Variants in CHN2 observed in about 807,000 individuals in gnomAD.
CHN2 encodes the protein beta-chimaerin.
CHN2 carries 35 observed loss-of-function variants against 56.3 expected under a neutral mutation model. That is an observed-to-expected ratio of 0.62 (90% confidence interval 0.47 to 0.82). The LOEUF (loss-of-function observed/expected upper bound fraction) is 0.82, where lower values mean the gene tolerates loss of function less well. Ranked by LOEUF, CHN2 falls within the 40% of genes least tolerant of loss-of-function variation. The pLI is 0.00. For missense variants in CHN2, 491 were observed against 580.5 expected (o/e 0.85, Z 1.58); for synonymous variants, 210 against 212.8 (o/e 0.99, Z 0.12).
chr7:29,505,145 C>T (rs75437465), intron 10 of CHN2, among the ~76,000 whole-genome samples: 1 of 152,272 alleles, frequency 6.6e-6, no homozygotes, highest in East Asian at 1.9e-4. Flanking sequence ...AGGGCACCCC[C>T]AGCACTAATG....
At chr7:29,344,271 C>T (rs1797259450) in intron 1 of CHN2, among the ~76,000 whole-genome samples, 1 of 152,204 alleles carries the variant, frequency 6.6e-6, no homozygotes, top group Non-Finnish European at 1.5e-5. Context: ...TCTTCTCATC[C>T]TCCAGTCCAC....
chr7:29,363,929 T>G (rs1798935488), intron 2 of CHN2, among the ~76,000 whole-genome samples: 1 of 152,078 alleles, frequency 6.6e-6, no homozygotes, highest in Admixed American at 6.5e-5. Context: ...CGCAGCTACT[T>G]GGGAGGTGGG....
intron 1 of CHN2, among the ~76,000 whole-genome samples, chr7:29,308,236 C>T (rs1386045789): frequency 1.3e-5 from 2 of 152,306 alleles, no homozygotes; most frequent in East Asian, 3.9e-4. Context: ...CTTTCCATTC[C>T]TCAGACTTCC....
intron 1 of CHN2, among the ~76,000 whole-genome samples, chr7:29,321,191 T>A (rs1795314245): frequency 1.3e-5 from 2 of 152,220 alleles, no homozygotes. Context: ...TTATACATGC[T>A]TTTCTAATAT....
chr7:29,220,678 A>T (rs1785724260), intron 1 of CHN2, among the ~76,000 whole-genome samples: 1 of 152,220 alleles, frequency 6.6e-6, no homozygotes, highest in Non-Finnish European at 1.5e-5. Context: ...CCCTAAATTT[A>T]ATTTCAGACC....
intron 6 of CHN2, among the ~76,000 whole-genome samples, chr7:29,458,396 C>CACAT (rs1784920903): frequency 1.3e-5 from 2 of 151,738 alleles, no homozygotes; most frequent in Non-Finnish European, 2.9e-5. Flanking sequence ...CACACACACA[C>CACAT]ACACACACAC....
rs538009082 is a variant in CHN2, at chr7:29,314,620, A to T, written c.50-40005A>T. On this transcript the variant is annotated intron_variant, in intron 1 of 12. Coordinates refer to ENST00000222792, the MANE Select transcript of CHN2 (RefSeq NM_004067.4). The stretch of plus-strand genomic sequence containing the variant: ...GAAAGTAACATCACCACCAACAAAA[A>T]TATTCAAAGAAGGTATTAATTCACT... Among the ~76,000 whole-genome samples, 8 of 152,314 alleles carry T rather than the reference A, an allele frequency of 5.3e-5. No homozygotes were observed. In the East Asian group the frequency reaches 1.5e-3, roughly 29 times the overall value.
At chr7:29,177,057 T>C (rs538245051) in intron 2 of CHN2, among the ~76,000 whole-genome samples, 1 of 152,138 alleles carries the variant, frequency 6.6e-6, no homozygotes, top group East Asian at 1.9e-4. Context: ...AAGAGGCAAA[T>C]ATAAAATAGT....
intron 6 of CHN2, among the ~76,000 whole-genome samples, chr7:29,438,939 T>C (rs1475692758): frequency 6.6e-6 from 1 of 152,232 alleles, no homozygotes; most frequent in Non-Finnish European, 1.5e-5. Context: ...ACTGATACTG[T>C]TTTCCTATTA....
At chr7:29,169,843 T>C (rs1395899643) in intron 2 of CHN2, among the ~76,000 whole-genome samples, 5 of 149,998 alleles carry the variant, frequency 3.3e-5, no homozygotes, top group South Asian at 4.2e-4. Flanking sequence ...TATACACACA[T>C]ATATATAAGT....
chr7:29,483,190 A>G (rs1787533980), intron 7 of CHN2, among the ~76,000 whole-genome samples: 1 of 151,938 alleles, frequency 6.6e-6, no homozygotes, highest in African/African-American at 2.4e-5. Context: ...CTTACCCCAT[A>G]ACAAGATTGT....
chr7:29,421,082 C>T (rs540043723), intron 6 of CHN2, among the ~76,000 whole-genome samples: 1 of 152,264 alleles, frequency 6.6e-6, no homozygotes, highest in East Asian at 1.9e-4. Flanking sequence ...CGTGAGCCAC[C>T]ATGTCCGGCT....
intron 1 of CHN2, among the ~76,000 whole-genome samples, chr7:29,206,933 C>A (rs530272878): frequency 6.6e-6 from 1 of 152,144 alleles, no homozygotes; most frequent in Non-Finnish European, 1.5e-5. Context: ...TTGTCCCCTG[C>A]GGCTGAGAGG....
chr7:29,418,727 C>T (rs1804028966), intron 6 of CHN2, among the ~76,000 whole-genome samples: 1 of 152,172 alleles, frequency 6.6e-6, no homozygotes, highest in Non-Finnish European at 1.5e-5. Flanking sequence ...AAGACCAGGA[C>T]TCGTGGTCTC....
intron 2 of CHN2, among the ~76,000 whole-genome samples, chr7:29,360,849 C>T (rs1333815683): frequency 2.6e-5 from 4 of 152,190 alleles, no homozygotes; most frequent in Non-Finnish European, 4.4e-5. Flanking sequence ...CACCCATTAG[C>T]CGTCTGATTC....
At chr7:29,248,304 A>G (rs1179560603) in intron 1 of CHN2, among the ~76,000 whole-genome samples, 1 of 152,206 alleles carries the variant, frequency 6.6e-6, no homozygotes, top group East Asian at 1.9e-4. Context: ...CACATGGGAC[A>G]CTGGTTCTTG....
chr7:29,434,393 TCTC>T (rs1783073429), intron 6 of CHN2, among the ~76,000 whole-genome samples: 1 of 152,030 alleles, frequency 6.6e-6, no homozygotes, highest in South Asian at 2.1e-4. Flanking sequence ...TTTTTTTTCT[TCTC>T]AATTCTGGAG....
chr7:29,211,450 G>GCA (rs148200755), intron 1 of CHN2, among the ~76,000 whole-genome samples: 32,371 of 138,162 alleles, frequency 0.23, 3,759 homozygotes, highest in Admixed American at 0.34. Flanking sequence ...CTGCATGTTG[G>GCA]CACACACACA....
At chr7:29,267,098 T>C (rs1790209467) in intron 1 of CHN2, among the ~76,000 whole-genome samples, 1 of 152,152 alleles carries the variant, frequency 6.6e-6, no homozygotes, top group Non-Finnish European at 1.5e-5. Context: ...TTAGAACTTT[T>C]TACTCCGTGG....
Sources: allele counts gnomAD v4.1 joint callset (sites outside exome capture counted in the v4.1 genomes callset), GRCh38; gene constraint gnomAD v4.1.1; transcripts MANE v1.5; gene names NCBI Gene and HGNC (gene_info 2026-07-23, HGNC 2026-07-21).